ECRG4: variants seen among roughly 807,000 people sequenced by gnomAD.
ECRG4 encodes ECRG4 augurin precursor.
Under a neutral mutation model 15.8 loss-of-function variants are expected in ECRG4, and 18 were observed. That is an observed-to-expected ratio of 1.14 (90% CI 0.79 to 1.69). The LOEUF (loss-of-function observed/expected upper bound fraction) is 1.69, where lower values mean the gene tolerates loss of function less well. Ranked by LOEUF, ECRG4 falls within the 40% of genes most tolerant of loss-of-function variation. ECRG4 has a pLI of 0.00. For missense variants in ECRG4, 200 were observed against 190.9 expected, an observed-to-expected ratio of 1.05 and a Z score of -0.28; for synonymous variants, 82 against 73.9, an observed-to-expected ratio of 1.11 and a Z score of -0.56.
chr2:106,072,578 C>T (rs1239868045), intron 2 of ECRG4, among the ~76,000 whole-genome samples: 1 of 152,214 alleles, frequency 6.6e-6, no homozygotes, highest in Admixed American at 6.5e-5. Flanking sequence ...TATTCTTTCC[C>T]TCCTAGTTTG....
At chr2:106,066,377 A>G (rs1676215752) in intron 1 of ECRG4, among the ~76,000 whole-genome samples, 1 of 152,288 alleles carries the variant, frequency 6.6e-6, no homozygotes, top group Non-Finnish European at 1.5e-5. Flanking sequence ...TGCTTCGTGG[A>G]GCTCCCAGCG....
At position 106,078,127 on chromosome 2, in the gene ECRG4, A is replaced by G; in HGVS notation, c.*201A>G. 1 of 440,754 alleles carries G rather than the reference A, an allele frequency of 2.3e-6. No homozygotes were observed. The highest frequency in any genetic ancestry group is 3.5e-5 in the East Asian group (1 of 28,564). The allele number at this position is 440,754 out of a possible 1,614,324, so 27.3% of individuals were successfully genotyped here. A position where few individuals can be genotyped will look rare whatever the true frequency, so the allele number is the denominator to read the frequency against. On this transcript the variant is annotated 3_prime_UTR_variant, in exon 4 of 4. Transcript: ENST00000238044. ...ATGGGAATGCCTCTCATTTAAAAAT[A>G]GAAATAAAGCATTTTGTTAAAAAGA...
At chr2:106,071,366 GAAAAGAAAAT>G (rs1337648501) in intron 1 of ECRG4, among the ~76,000 whole-genome samples, 35 of 110,124 alleles carry the variant, frequency 3.2e-4, no homozygotes, top group Middle Eastern at 5.3e-3. Flanking sequence ...AGAAAGAAAA[GAAAAGAAAAT>G]AAAAAAAAAA....
intron 3 of ECRG4, 172 bp downstream of exon 3, chr2:106,074,215 T>G: frequency 1.4e-6 from 1 of 735,356 alleles, no homozygotes; most frequent in Non-Finnish European, 2.2e-6. Context: ...ACCTATGGTG[T>G]AAGGGCGATG....
chr2:106,063,309 T>A (rs1379383785), upstream of ECRG4: 6 of 152,228 alleles, frequency 3.9e-5, no homozygotes, highest in Non-Finnish European at 8.8e-5. Context: ...GCTGGGGCCT[T>A]AGTCTTGAAT....
chr2:106,071,937 G>GAAAT, intron 2 of ECRG4, 46 bp downstream of exon 2: 1 of 1,501,094 alleles, frequency 6.7e-7, no homozygotes, highest in Non-Finnish European at 9.3e-7. Flanking sequence ...TAACTGGATG[G>GAAAT]AAATGAAATG....
chr2:106,077,752 T>C lies in ECRG4; in HGVS notation c.286-13T>C. On this transcript the variant is annotated splice_polypyrimidine_tract_variant and intron_variant, in intron 3 of 3. Coordinates refer to ENST00000238044, the MANE Select transcript of ECRG4 (RefSeq NM_032411.3). ...TAAATCCATTCTCTATCATTCTCTCTCTTTTCCTCCAGAAATTTGAAGATG... is the reference window on the plus strand; with the variant it reads ...TAAATCCATTCTCTATCATTCTCTCCCTTTTCCTCCAGAAATTTGAAGATG... The C allele has an allele frequency of 6.2e-7, 1 of 1,613,076 alleles. No homozygotes were observed. Among genetic ancestry groups the C allele is most frequent in the East Asian group, 2.2e-5 (1 of 44,870 alleles).
intron 3 of ECRG4, among the ~76,000 whole-genome samples, chr2:106,075,646 C>T (rs1278941541): frequency 1.3e-5 from 2 of 152,160 alleles, no homozygotes; most frequent in Non-Finnish European, 2.9e-5. Flanking sequence ...CCTTCGAACC[C>T]GGGAGGCGGA....
At chr2:106,076,886 G>A (rs186931103) in intron 3 of ECRG4, among the ~76,000 whole-genome samples, 3 of 152,212 alleles carry the variant, frequency 2.0e-5, no homozygotes, top group East Asian at 1.9e-4. Flanking sequence ...AATCTCTTGC[G>A]ATGTCCTGAG....
intron 1 of ECRG4, among the ~76,000 whole-genome samples, chr2:106,070,071 G>A (rs1009212660): frequency 1.3e-5 from 2 of 152,154 alleles, no homozygotes; most frequent in African/African-American, 4.8e-5. Flanking sequence ...TGGCCCTTCA[G>A]TGTGGTCCCT....
chr2:106,066,232 C>T (rs992928153), intron 1 of ECRG4, among the ~76,000 whole-genome samples: 4 of 152,228 alleles, frequency 2.6e-5, no homozygotes, highest in Admixed American at 6.5e-5. Context: ...CCGCCATTCC[C>T]TTCCAGGCAG....
At chr2:106,077,166 AG>A (rs2104800432) in intron 3 of ECRG4, among the ~76,000 whole-genome samples, 1 of 152,342 alleles carries the variant, frequency 6.6e-6, no homozygotes, top group South Asian at 2.1e-4. Context: ...TGCCCAGCAC[AG>A]GGCATGACAC....
At chr2:106,071,368 A>T (rs1676368689) in intron 1 of ECRG4, among the ~76,000 whole-genome samples, 1 of 149,138 alleles carries the variant, frequency 6.7e-6, no homozygotes, top group African/African-American at 2.5e-5. Flanking sequence ...AAAGAAAAGA[A>T]AAGAAAATAA....
chr2:106,073,115 G>C (rs999961181), intron 2 of ECRG4, among the ~76,000 whole-genome samples: 2 of 152,198 alleles, frequency 1.3e-5, no homozygotes, highest in Non-Finnish European at 2.9e-5. Context: ...GAGAGGGACT[G>C]TCCACCCACT....
intron 3 of ECRG4, 52 bp downstream of exon 3, chr2:106,074,095 G>C (rs762853789): frequency 6.3e-6 from 10 of 1,596,902 alleles, no homozygotes; most frequent in Admixed American, 3.4e-5. Flanking sequence ...AGGGTGGCAG[G>C]GAGGAGGCCT....
Position 106,078,145 on chromosome 2 carries a change from TAA to T in ECRG4, c.*223_*224del. On this transcript the variant is annotated 3_prime_UTR_variant, in exon 4 of 4. Transcript: ENST00000238044. ...TAAAAATAGAAATAAAGCATTTTGTTAAAAAGAAAAGTCTTAGAATTCATTTG... is the reference window on the plus strand; with the variant it reads ...TAAAAATAGAAATAAAGCATTTTGTTAAAGAAAAGTCTTAGAATTCATTTG... 1 of 451,910 alleles carries T rather than the reference TAA, an allele frequency of 2.2e-6. No homozygotes were observed. The highest frequency in any genetic ancestry group is 3.6e-5 in the East Asian group (1 of 27,672). 28.0% of individuals were successfully genotyped at this position (451,910 alleles called of 1,614,324 possible). A position where few individuals can be genotyped will look rare whatever the true frequency, so the allele number is the denominator to read the frequency against.
chr2:106,071,793 T>C (rs1295896238), intron 1 of ECRG4, 51 bp from the exon 2 acceptor site: 5 of 1,509,760 alleles, frequency 3.3e-6, no homozygotes, highest in Admixed American at 3.6e-5. Context: ...CTTTGATAAA[T>C]TGAAGGGAGC....
chr2:106,075,458 A>G (rs1017457434), intron 3 of ECRG4, among the ~76,000 whole-genome samples: 3 of 152,240 alleles, frequency 2.0e-5, no homozygotes, highest in Non-Finnish European at 4.4e-5. Context: ...ATGGTGGCTC[A>G]TGCCTGTAAT....
rs777507526 is a variant in ECRG4 at position 106,069,132 on chromosome 2, TTTC to T, written c.80-2709_80-2707del. Among the ~76,000 whole-genome samples, 256 of 113,890 alleles carry T rather than the reference TTTC, an allele frequency of 2.2e-3. 7 individuals carry two copies. Among genetic ancestry groups the T allele is most frequent in the Non-Finnish European group, 5.2e-4 (28 of 53,370 alleles). 74.7% of individuals were successfully genotyped at this position (113,890 alleles called of 152,430 possible). A position where few individuals can be genotyped will look rare whatever the true frequency, so the allele number is the denominator to read the frequency against. Reference sequence around the variant, plus strand: ...CCTTCTTTTTCTTTCTTCCTTTCTCTTTCTTTCTTTCTTTCTTTTCTTTCTTTC... The same window carrying T: ...CCTTCTTTTTCTTTCTTCCTTTCTCTTTTCTTTCTTTCTTTTCTTTCTTTC... On this transcript the variant is annotated intron_variant, in intron 1 of 3. Transcript: ENST00000238044.
Sources: allele counts gnomAD v4.1 joint callset (sites outside exome capture counted in the v4.1 genomes callset), GRCh38; gene constraint gnomAD v4.1.1; transcripts MANE v1.5; gene names NCBI Gene and HGNC (gene_info 2026-07-23, HGNC 2026-07-21).